The following ATF7 variants were observed in gnomAD, a reference collection of about 807,000 sequenced individuals.
The protein encoded by ATF7 is activating transcription factor 7, also known as cyclic AMP-dependent transcription factor ATF-7.
ATF7 carries 10 observed loss-of-function variants against 50.4 expected under a neutral mutation model. That is an observed-to-expected ratio of 0.20 (90% CI 0.12 to 0.34). The LOEUF (loss-of-function observed/expected upper bound fraction) is 0.34. Among genes scored for constraint, ATF7 ranks in the 10% least tolerant of loss-of-function variants. The pLI is 1.00. For synonymous variants in ATF7, 201 were observed against 226.4 expected, an observed-to-expected ratio of 0.89 and a Z score of 1.01; for missense variants, 465 against 613.9, an observed-to-expected ratio of 0.76 and a Z score of 2.56.
At chr12:53,533,333 A>T in intron 6 of ATF7, 74 bp from the exon 7 acceptor site, 1 of 1,285,074 alleles carries the variant, frequency 7.8e-7, no homozygotes, top group Non-Finnish European at 1.1e-6. Context: ...TAATTACAGA[A>T]GATTTTCCAG....
intron 2 of ATF7, among the ~76,000 whole-genome samples, chr12:53,555,490 A>ATTTTTTTTTTTTTTTTTTTTTT (rs543048867): frequency 9.9e-6 from 1 of 100,740 alleles, no homozygotes; most frequent in Non-Finnish European, 1.8e-5. Flanking sequence ...AAATAATATA[A>ATTTTTTTTTTTTTTTTTTTTTT]TTTTTTTTTT....
intron 2 of ATF7, 135 bp from the exon 3 acceptor site, chr12:53,552,772 T>C: frequency 2.9e-6 from 2 of 687,442 alleles, no homozygotes; most frequent in Non-Finnish European, 5.0e-6. Context: ...GAGAAAAAAC[T>C]GGAAGAGGAG....
At chr12:53,621,049 A>G (rs1158464223) in intron 1 of ATF7, among the ~76,000 whole-genome samples, 1 of 152,242 alleles carries the variant, frequency 6.6e-6, no homozygotes, top group Non-Finnish European at 1.5e-5. Flanking sequence ...TATAAACAGT[A>G]GCATAAGATA....
chr12:53,597,702 G>A (rs924543980), intron 2 of ATF7, among the ~76,000 whole-genome samples: 10 of 151,672 alleles, frequency 6.6e-5, no homozygotes, highest in South Asian at 2.1e-4. Flanking sequence ...CCAGCTACTC[G>A]GGAGGCTGAG....
chr12:53,610,591 G>T (rs917401534), intron 1 of ATF7, among the ~76,000 whole-genome samples: 1 of 144,968 alleles, frequency 6.9e-6, no homozygotes, highest in Admixed American at 6.9e-5. Flanking sequence ...AAAGGTACAA[G>T]AATGGACACC....
At chr12:53,595,425 T>C (rs1447623405) in intron 2 of ATF7, among the ~76,000 whole-genome samples, 1 of 152,222 alleles carries the variant, frequency 6.6e-6, no homozygotes, top group African/African-American at 2.4e-5. Context: ...AGGGACAGAA[T>C]TAAAGATCCA....
chr12:53,528,789 A>G (rs1938661460), intron 9 of ATF7, among the ~76,000 whole-genome samples: 1 of 152,102 alleles, frequency 6.6e-6, no homozygotes, highest in African/African-American at 2.4e-5. Flanking sequence ...AAAAGAAAAC[A>G]AAAGAAAAGA....
chr12:53,616,963 G>C (rs1220914135), intron 1 of ATF7, among the ~76,000 whole-genome samples: 1 of 144,702 alleles, frequency 6.9e-6, no homozygotes, highest in Admixed American at 7.1e-5. Context: ...AAAAAAAAAA[G>C]GTGAGAAAAA....
At chr12:53,556,632 A>T (rs1940775183) in intron 2 of ATF7, among the ~76,000 whole-genome samples, 1 of 152,224 alleles carries the variant, frequency 6.6e-6, no homozygotes, top group Non-Finnish European at 1.5e-5. Context: ...GTGATTGCTA[A>T]TCTGGCTATG....
intron 2 of ATF7, among the ~76,000 whole-genome samples, chr12:53,592,998 A>T (rs1943010212): frequency 6.6e-6 from 1 of 152,150 alleles, no homozygotes; most frequent in Non-Finnish European, 1.5e-5. Flanking sequence ...TAGCACTGTA[A>T]TTCTTTCAGA....
At chr12:53,622,978 T>A (rs1196420980) in intron 1 of ATF7, among the ~76,000 whole-genome samples, 4 of 152,152 alleles carry the variant, frequency 2.6e-5, no homozygotes, top group African/African-American at 9.7e-5. Context: ...ATCACGTCAC[T>A]TGCACTCTAG....
At chr12:53,541,176 G>A (rs2137427350) in intron 4 of ATF7, among the ~76,000 whole-genome samples, 1 of 152,212 alleles carries the variant, frequency 6.6e-6, no homozygotes, top group East Asian at 1.9e-4. Context: ...TAACTATCTT[G>A]ATTTACCTGC....
rs374861316 is a variant in ATF7 at position 53,564,735 on chromosome 12, T to C, written c.49-12098A>G. On this transcript the variant is annotated intron_variant, in intron 2 of 11. Coordinates refer to ENST00000420353, the MANE Select transcript of ATF7 (RefSeq NM_006856.3). ...CACTGAGTTGTTGGGTCTTCATCGTTATGATCTGGGTTTAATAGCAATGCA... is the reference window on the plus strand; with the variant it reads ...CACTGAGTTGTTGGGTCTTCATCGTCATGATCTGGGTTTAATAGCAATGCA... Among the ~76,000 whole-genome samples the C allele has an allele frequency of 5.3e-5, 8 of 152,370 alleles. No individual in the cohort carries two copies. The East Asian group carries it at 1.3e-3, about 26-fold the overall frequency.
At chr12:53,595,573 T>C (rs1427683469) in intron 2 of ATF7, among the ~76,000 whole-genome samples, 1 of 152,232 alleles carries the variant, frequency 6.6e-6, no homozygotes, top group Non-Finnish European at 1.5e-5. Context: ...TAGGAGCTAT[T>C]TGTTGCCTCA....
chr12:53,594,119 C>T (rs570042468), intron 2 of ATF7, among the ~76,000 whole-genome samples: 1 of 152,226 alleles, frequency 6.6e-6, no homozygotes, highest in East Asian at 1.9e-4. Flanking sequence ...GCCAGAGTGG[C>T]AAAGGAAGGA....
intron 3 of ATF7, among the ~76,000 whole-genome samples, chr12:53,548,978 C>G (rs983622375): frequency 6.6e-6 from 1 of 152,006 alleles, no homozygotes; most frequent in African/African-American, 2.4e-5. Context: ...GAGCAAGTCT[C>G]TGTCTCCAAA....
rs940467765 is a variant in ATF7, at chr12:53,626,354, T to G, written c.-97A>C. On this transcript the variant is annotated 5_prime_UTR_variant, in exon 1 of 12. Transcript: ENST00000420353. Reference sequence around the variant, plus strand: ...TGTCTCCAGCTCCTCCTTTCCCCCCTTGGCGGAACGGATACTTTCCTCCCG... The same window carrying G: ...TGTCTCCAGCTCCTCCTTTCCCCCCGTGGCGGAACGGATACTTTCCTCCCG... 1 of 152,778 alleles carries G rather than the reference T, an allele frequency of 6.5e-6. No homozygotes were observed. Among genetic ancestry groups the G allele is most frequent in the Non-Finnish European group, 1.5e-5 (1 of 68,164 alleles). The allele number at this position is 152,778 out of a possible 1,614,324, so 9.5% of individuals were successfully genotyped here. A position where few individuals can be genotyped will look rare whatever the true frequency, so the allele number is the denominator to read the frequency against.
intron 4 of ATF7, among the ~76,000 whole-genome samples, chr12:53,542,529 CA>C (rs1258689066): frequency 6.6e-6 from 1 of 152,132 alleles, no homozygotes; most frequent in African/African-American, 2.4e-5. Flanking sequence ...TGGGTTCAAG[CA>C]ATCTTCCTGC....
In ATF7 at chr12:53,514,105, G is replaced by A. The variant is rs1053604281; in HGVS notation, c.*3032C>T. 6.6e-6 allele frequency: 1 copy of A among 152,090 alleles called. No homozygotes were observed. The highest frequency in any genetic ancestry group is 2.4e-5 in the African/African-American group (1 of 41,410). 9.4% of individuals were successfully genotyped at this position (152,090 alleles called of 1,614,324 possible). A position where few individuals can be genotyped will look rare whatever the true frequency, so the allele number is the denominator to read the frequency against. The stretch of plus-strand genomic sequence containing the variant: ...TGTTGGCCTCTCTAGTATTGTGGGA[G>A]GCTTTCTTAGACTTTTCAACTCTAA... On this transcript the variant is annotated 3_prime_UTR_variant, in exon 12 of 12. Coordinates refer to ENST00000420353, the MANE Select transcript of ATF7 (RefSeq NM_006856.3).
Sources: gnomAD v4.1 joint callset for allele counts (sites outside exome capture counted in the v4.1 genomes callset) on GRCh38, gnomAD v4.1.1 for gene constraint, MANE v1.5 for transcripts, NCBI Gene and HGNC (gene_info 2026-07-23, HGNC 2026-07-21) for gene names.